PIK3R1: variants seen among roughly 807,000 people sequenced by gnomAD.
PIK3R1 encodes phosphoinositide-3-kinase regulatory subunit 1.
A neutral mutation model predicts 98.0 loss-of-function variants in PIK3R1; 29 were observed. That is an observed-to-expected ratio of 0.30 (90% CI 0.22 to 0.40). PIK3R1 has a LOEUF of 0.40. Among genes scored for constraint, PIK3R1 ranks in the 10% least tolerant of loss-of-function variants. PIK3R1 has a pLI of 1.00. For missense variants in PIK3R1, 596 were observed against 872.7 expected (o/e 0.68, Z 3.99); for synonymous variants, 282 against 311.8 (o/e 0.90, Z 1.01).
At chr5:68,241,680 CT>C (rs1335411268) in intron 2 of PIK3R1, among the ~76,000 whole-genome samples, 1 of 152,220 alleles carries the variant, frequency 6.6e-6, no homozygotes, top group African/African-American at 2.4e-5. Context: ...ACACTAGTAG[CT>C]GGTAAAGAGC....
At position 68,298,063 on chromosome 5, in the gene PIK3R1, G is replaced by A. The variant is rs752560994; in HGVS notation, c.*462G>A. 6 of 232,328 alleles carry A rather than the reference G, an allele frequency of 2.6e-5. No homozygotes were observed. The highest frequency in any genetic ancestry group is 4.3e-5 in the Non-Finnish European group (5 of 117,560). The allele number at this position is 232,328 out of a possible 1,614,324, so 14.4% of individuals were successfully genotyped here. The stretch of plus-strand genomic sequence containing the variant: ...CCTGGTTTAGCCTGGATGTTGCTGT[G>A]CACGGTGGACCCAGACACATCGCAC... On this transcript the variant is annotated 3_prime_UTR_variant, in exon 16 of 16. Coordinates refer to ENST00000521381, the MANE Select transcript of PIK3R1 (RefSeq NM_181523.3).
At chr5:68,262,410 A>G (rs1232027780) in intron 2 of PIK3R1, among the ~76,000 whole-genome samples, 3 of 145,828 alleles carry the variant, frequency 2.1e-5, no homozygotes, top group Non-Finnish European at 4.5e-5. Flanking sequence ...ATATACACAC[A>G]CGCACACACA....
intron 4 of PIK3R1, among the ~76,000 whole-genome samples, chr5:68,277,158 G>A (rs1388238295): frequency 1.3e-5 from 2 of 152,214 alleles, no homozygotes; most frequent in Non-Finnish European, 1.5e-5. Context: ...AATTTTCCGG[G>A]CAGAGAGACA....
intron 8 of PIK3R1, 66 bp downstream of exon 8, chr5:68,292,427 T>G: frequency 6.8e-7 from 1 of 1,479,056 alleles, no homozygotes; most frequent in Non-Finnish European, 9.4e-7. Context: ...ACCAGCTTGC[T>G]AAGTTCCATT....
Position 68,296,326 on chromosome 5 carries a change from A to T in PIK3R1, c.1970A>T (p.Tyr657Phe). 1 of 1,614,100 alleles carries T rather than the reference A, an allele frequency of 6.2e-7. No homozygotes were observed. Residue 657 changes from tyrosine (Y) to phenylalanine (F), a missense_variant, in exon 15 of 16, where the codon TAT (tyrosine) becomes TTT (phenylalanine). By Grantham distance (22) the Tyr-to-Phe change is conservative. This residue lies in a region of PIK3R1 where 207 missense variants were observed against 361.4 expected (regional missense o/e 0.57). Transcript: ENST00000521381. ...CGGGAGAGCAGTAAACAGGGCTGCT[A>T]TGCCTGCTCTGTAGTGTATGTATCT... The part of the protein sequence containing the change: ...LVRESSKQGC[Y>F]ACSVVVDGEV...
chr5:68,277,244 A>G (rs1430884803), intron 4 of PIK3R1, among the ~76,000 whole-genome samples: 1 of 152,194 alleles, frequency 6.6e-6, no homozygotes, highest in African/African-American at 2.4e-5. Context: ...GAGAATTCCT[A>G]TAGCAGCACA....
intron 2 of PIK3R1, among the ~76,000 whole-genome samples, chr5:68,252,918 C>T (rs547341572): frequency 6.6e-6 from 1 of 152,328 alleles, no homozygotes; most frequent in Non-Finnish European, 1.5e-5. Context: ...TTTTCTCCCT[C>T]AGATTCCACC....
chr5:68,232,303 A>G (rs1037122625), intron 2 of PIK3R1, among the ~76,000 whole-genome samples: 1 of 152,206 alleles, frequency 6.6e-6, no homozygotes, highest in Middle Eastern at 3.2e-3. Flanking sequence ...AAAAATGTGT[A>G]AGAGAAAGGA....
rs1746798242 is a variant in PIK3R1, at chr5:68,280,702, CTATGCTTTTCAGAT to C, written c.811_824del (p.Met271LeufsTer6). 6.2e-7 allele frequency: 1 copy of C among 1,613,910 alleles called. No individual in the cohort carries two copies. Among genetic ancestry groups the C allele is most frequent in the Admixed American group, 1.7e-5 (1 of 60,002 alleles). On this transcript the variant is annotated frameshift_variant, in exon 6 of 16. Transcript: ENST00000521381. LOFTEE classifies it high-confidence loss of function. ...AGAGTACTCTCTGAAATTTTCAGCC[CTATGCTTTTCAGAT>C]TCTCAGCAGCCAGGTAAGTGAAAGG...
rs189854342 is a variant in PIK3R1 at position 68,284,108 on chromosome 5, C to T, written c.916+3102C>T. Among the ~76,000 whole-genome samples the T allele has an allele frequency of 3.9e-5, 6 of 152,080 alleles. No individual in the cohort carries two copies. In the East Asian group the frequency reaches 1.2e-3, roughly 29 times the overall value. ...TAACTCAGCTTTTCCAAATTGTTTT[C>T]CAGACTGTGGAATTGGGTTAATGCC... On this transcript the variant is annotated intron_variant, in intron 7 of 15. Transcript: ENST00000521381.
At chr5:68,273,516 G>A in intron 3 of PIK3R1, 34 bp downstream of exon 3, 6 of 1,503,322 alleles carry the variant, frequency 4.0e-6, no homozygotes, top group Non-Finnish European at 5.6e-6. Flanking sequence ...CAGTTCCTTT[G>A]TTCTACCCTT....
chr5:68,241,071 T>C (rs1744854991), intron 2 of PIK3R1, among the ~76,000 whole-genome samples: 1 of 152,220 alleles, frequency 6.6e-6, no homozygotes, highest in African/African-American at 2.4e-5. Context: ...CAATTGTAGT[T>C]AGTAATCTTC....
intron 4 of PIK3R1, among the ~76,000 whole-genome samples, chr5:68,274,618 A>G (rs1047075083): frequency 6.6e-6 from 1 of 152,176 alleles, no homozygotes; most frequent in African/African-American, 2.4e-5. Context: ...TTTTTGTGGC[A>G]TGAATATTCC....
intron 4 of PIK3R1, among the ~76,000 whole-genome samples, chr5:68,274,551 G>A (rs892104482): frequency 6.6e-6 from 1 of 151,902 alleles, no homozygotes; most frequent in Admixed American, 6.6e-5. Context: ...GTTCAGTGGT[G>A]TGCTGATAAA....
intron 4 of PIK3R1, among the ~76,000 whole-genome samples, chr5:68,278,923 A>G (rs1014071321): frequency 7.2e-5 from 11 of 152,294 alleles, no homozygotes; most frequent in South Asian, 2.1e-4. Flanking sequence ...AGCCTTGGCT[A>G]CAGAGTGAGA....
rs374119964 is a variant in PIK3R1 at position 68,297,558 on chromosome 5, A to G, written c.2132A>G (p.Asn711Ser). ...CTTGTGCAGCACAACGACTCCCTCA[A>G]TGTCACACTAGCCTACCCAGTATAT... ...TSLVQHNDSLNVTLAYPVYAQ... is the reference protein window; with the variant it reads ...TSLVQHNDSLSVTLAYPVYAQ... Residue 711 changes from asparagine to serine, a missense_variant, in exon 16 of 16, where the codon AAT becomes AGT. By Grantham distance (46) the Asn-to-Ser change is conservative. Transcript: ENST00000521381. The G allele has an allele frequency of 6.2e-6, 10 of 1,614,008 alleles. No individual in the cohort carries two copies. Among genetic ancestry groups the G allele is most frequent in the African/African-American group, 1.3e-5 (1 of 74,914 alleles).
intron 2 of PIK3R1, among the ~76,000 whole-genome samples, chr5:68,269,142 A>G (rs1010605692): frequency 6.6e-6 from 1 of 152,180 alleles, no homozygotes; most frequent in African/African-American, 2.4e-5. Context: ...TGGATTCACT[A>G]CTTTTAAACC....
intron 2 of PIK3R1, among the ~76,000 whole-genome samples, chr5:68,251,693 CCTTT>C (rs1005208447): frequency 2.0e-4 from 30 of 152,154 alleles, no homozygotes; most frequent in Admixed American, 5.9e-4. Flanking sequence ...AACTACAACT[CCTTT>C]CTTTCAAGTT....
chr5:68,255,420 T>A (rs1670523362), intron 2 of PIK3R1, among the ~76,000 whole-genome samples: 1 of 152,192 alleles, frequency 6.6e-6, no homozygotes, highest in African/African-American at 2.4e-5. Flanking sequence ...TTCAGCCTCA[T>A]CCTGTGCTTC....
Sources: gnomAD v4.1 joint callset for allele counts (sites outside exome capture counted in the v4.1 genomes callset) on GRCh38, gnomAD v4.1.1 for gene constraint, gnomAD v4.1.1 regional missense constraint, MANE v1.5 for transcripts, NCBI Gene and HGNC (gene_info 2026-07-23, HGNC 2026-07-21) for gene names.